Variants in HS3ST3A1 observed in about 807,000 individuals in gnomAD.
HS3ST3A1 encodes the protein heparan sulfate-glucosamine 3-sulfotransferase 3A1, also known as heparan sulfate glucosamine 3-O-sulfotransferase 3A1.
A neutral mutation model predicts 25.7 loss-of-function variants in HS3ST3A1; 19 were observed. That is an observed-to-expected ratio of 0.74 (90% confidence interval 0.52 to 1.08). HS3ST3A1 has a LOEUF of 1.08. HS3ST3A1 is among the 50% of genes least tolerant of loss of function. HS3ST3A1 has a pLI of 0.00. For missense variants in HS3ST3A1, 459 were observed against 594.3 expected (o/e 0.77, Z 2.37); for synonymous variants, 226 against 278.6 (o/e 0.81, Z 1.88).
chr17:13,598,020 A>G (rs1908628597), intron 1 of HS3ST3A1, among the ~76,000 whole-genome samples: 1 of 152,358 alleles, frequency 6.6e-6, no homozygotes, highest in Non-Finnish European at 1.5e-5. Context: ...GTGTCAATGT[A>G]CACCTAAAAA....
At chr17:13,567,605 C>T (rs890049843) in intron 1 of HS3ST3A1, among the ~76,000 whole-genome samples, 10 of 152,154 alleles carry the variant, frequency 6.6e-5, no homozygotes, top group African/African-American at 2.2e-4. Flanking sequence ...AAAATATCAA[C>T]ACAAACAGGA....
At chr17:13,568,196 A>C (rs1188791036) in intron 1 of HS3ST3A1, among the ~76,000 whole-genome samples, 2 of 152,246 alleles carry the variant, frequency 1.3e-5, no homozygotes, top group Non-Finnish European at 2.9e-5. Context: ...GCTGATCATT[A>C]GTACTTTGTT....
chr17:13,525,237 C>A (rs921507784), intron 1 of HS3ST3A1, among the ~76,000 whole-genome samples: 6 of 152,096 alleles, frequency 3.9e-5, no homozygotes, highest in African/African-American at 1.2e-4. Flanking sequence ...TTAGTTCATT[C>A]ATTTTTATTG....
intron 1 of HS3ST3A1, among the ~76,000 whole-genome samples, chr17:13,564,790 C>T (rs1167323282): frequency 6.8e-6 from 1 of 146,118 alleles, no homozygotes; most frequent in Non-Finnish European, 1.5e-5. Flanking sequence ...GTGGTGCGAT[C>T]GCAGCTCACT....
intron 1 of HS3ST3A1, among the ~76,000 whole-genome samples, chr17:13,594,624 A>C (rs577856264): frequency 1.3e-5 from 2 of 152,218 alleles, no homozygotes; most frequent in Non-Finnish European, 2.9e-5. Context: ...TCTGGGGCAT[A>C]TGGTATTCCT....
At chr17:13,550,569 TGCATTG>T in intron 1 of HS3ST3A1, among the ~76,000 whole-genome samples, 1 of 152,144 alleles carries the variant, frequency 6.6e-6, no homozygotes, top group African/African-American at 2.4e-5. Context: ...CAAGAACGCC[TGCATTG>T]TCAGTTTTAT....
chr17:13,509,010 T>C lies in HS3ST3A1; in HGVS notation c.600-12192A>G, dbSNP rs116324501. Among the ~76,000 whole-genome samples the C allele has an allele frequency of 2.8e-3, 421 of 151,934 alleles. 3 individuals carry two copies. Among genetic ancestry groups the C allele is most frequent in the African/African-American group, 9.7e-3 (400 of 41,426 alleles). On this transcript the variant is annotated intron_variant, in intron 1 of 1. Coordinates refer to ENST00000284110, the MANE Select transcript of HS3ST3A1 (RefSeq NM_006042.3). ...AAGTGCCAATCTTGCCTCACCCTGG[T>C]CCTGGCCCTGGCAGAGATCCACAAT...
At chr17:13,576,919 C>T (rs567443643) in intron 1 of HS3ST3A1, among the ~76,000 whole-genome samples, 1 of 152,268 alleles carries the variant, frequency 6.6e-6, no homozygotes, top group Non-Finnish European at 1.5e-5. Flanking sequence ...TCTCATGCTG[C>T]TGATAAAGAC....
chr17:13,556,527 A>ATAAAAT (rs1907379950), intron 1 of HS3ST3A1, among the ~76,000 whole-genome samples: 1 of 150,598 alleles, frequency 6.6e-6, no homozygotes, highest in Non-Finnish European at 1.5e-5. Flanking sequence ...ATAAAATAAA[A>ATAAAAT]GAAAATAAAA....
chr17:13,574,759 C>CACACAA (rs1555542157), intron 1 of HS3ST3A1, among the ~76,000 whole-genome samples: 7 of 75,718 alleles, frequency 9.2e-5, no homozygotes, highest in African/African-American at 4.5e-4. Context: ...CACACACACA[C>CACACAA]AAAAAACACA....
chr17:13,531,931 T>A (rs1211384395), intron 1 of HS3ST3A1, among the ~76,000 whole-genome samples: 1 of 152,150 alleles, frequency 6.6e-6, no homozygotes, highest in Non-Finnish European at 1.5e-5. Context: ...ACTAATTGTC[T>A]GAGTTAACTA....
intron 1 of HS3ST3A1, among the ~76,000 whole-genome samples, chr17:13,539,273 C>T (rs551272581): frequency 6.6e-6 from 1 of 152,356 alleles, no homozygotes; most frequent in Non-Finnish European, 1.5e-5. Context: ...CCAAGGCCAG[C>T]TCAAATCCAA....
intron 1 of HS3ST3A1, among the ~76,000 whole-genome samples, chr17:13,508,072 C>T (rs12949630): frequency 0.13 from 20,136 of 152,164 alleles, 1,343 homozygotes; most frequent in Non-Finnish European, 0.15. Context: ...GCTCCCACAC[C>T]AACCGAATCT....
chr17:13,573,699 C>T (rs1027838544), intron 1 of HS3ST3A1, among the ~76,000 whole-genome samples: 7 of 152,098 alleles, frequency 4.6e-5, no homozygotes, highest in African/African-American at 1.2e-4. Context: ...GTCAACAACA[C>T]GGGCTGAATG....
chr17:13,532,286 A>G (rs1026489656), intron 1 of HS3ST3A1, among the ~76,000 whole-genome samples: 3 of 152,160 alleles, frequency 2.0e-5, no homozygotes, highest in Non-Finnish European at 4.4e-5. Flanking sequence ...TTTGCAAAAG[A>G]TCTGATTGTC....
intron 1 of HS3ST3A1, among the ~76,000 whole-genome samples, chr17:13,503,482 C>T (rs1348216349): frequency 6.6e-6 from 1 of 152,068 alleles, no homozygotes; most frequent in Non-Finnish European, 1.5e-5. Context: ...GATGGATATG[C>T]TAACTACCCT....
At chr17:13,521,786 T>C (rs34381743) in intron 1 of HS3ST3A1, among the ~76,000 whole-genome samples, 15,966 of 152,246 alleles carry the variant, frequency 0.1, 1,019 homozygotes, top group Non-Finnish European at 0.15. Context: ...ACCCTAGGAT[T>C]GAGGGAAGTG....
chr17:13,528,419 ATT>A (rs1906504862), intron 1 of HS3ST3A1, among the ~76,000 whole-genome samples: 1 of 152,150 alleles, frequency 6.6e-6, no homozygotes. Flanking sequence ...GAGCTCATGG[ATT>A]GCTCAGAGCA....
intron 1 of HS3ST3A1, among the ~76,000 whole-genome samples, chr17:13,572,697 C>T (rs1476965458): frequency 6.6e-6 from 1 of 152,192 alleles, no homozygotes; most frequent in Non-Finnish European, 1.5e-5. Context: ...TCTTCACACC[C>T]ATGCTTTTAT....
Sources: gnomAD v4.1 joint callset for allele counts (sites outside exome capture counted in the v4.1 genomes callset) on GRCh38, gnomAD v4.1.1 for gene constraint, MANE v1.5 for transcripts, NCBI Gene and HGNC (gene_info 2026-07-23, HGNC 2026-07-21) for gene names.